Variants in GRM8 observed in about 807,000 individuals in gnomAD.
The protein encoded by GRM8 is metabotropic glutamate receptor 8.
A neutral mutation model predicts 87.2 loss-of-function variants in GRM8; 47 were observed. The ratio of observed to expected loss-of-function variants is 0.54; its 90% CI spans 0.43 to 0.69. The LOEUF (loss-of-function observed/expected upper bound fraction) is 0.69, where lower values mean the gene tolerates loss of function less well. Among genes scored for constraint, GRM8 ranks in the 30% least tolerant of loss-of-function variants. GRM8 has a pLI of 0.00. For missense variants in GRM8, 1,019 were observed against 1,139.2 expected, an observed-to-expected ratio of 0.89 and a Z score of 1.52; for synonymous variants, 396 against 404.5, an observed-to-expected ratio of 0.98 and a Z score of 0.25.
intron 3 of GRM8, among the ~76,000 whole-genome samples, chr7:127,078,080 CT>C (rs1822479827): frequency 6.6e-6 from 1 of 152,218 alleles, no homozygotes; most frequent in African/African-American, 2.4e-5. Flanking sequence ...TCTATAGTGA[CT>C]TGGCTATAGC....
chr7:127,181,064 G>C (rs893209624), intron 2 of GRM8, among the ~76,000 whole-genome samples: 3 of 151,994 alleles, frequency 2.0e-5, no homozygotes, highest in African/African-American at 7.2e-5. Flanking sequence ...GTCACTGTTT[G>C]CTGATGATAT....
chr7:126,953,777 T>C (rs1336734795), intron 3 of GRM8, among the ~76,000 whole-genome samples: 2 of 152,098 alleles, frequency 1.3e-5, no homozygotes, highest in African/African-American at 4.8e-5. Flanking sequence ...TTAATACCTC[T>C]CTCTTCTTTG....
Position 126,919,928 on chromosome 7 carries a change from T to C in GRM8, c.728-15245A>G, listed in dbSNP as rs1283505513. The stretch of plus-strand genomic sequence containing the variant: ...GCATGGCCTGGCCTCTTGCTGAGCA[T>C]GGAAAATAGAACACATTCATTTACC... On this transcript the variant is annotated intron_variant, in intron 3 of 10. Transcript: ENST00000339582. Among the ~76,000 whole-genome samples the C allele has an allele frequency of 2.6e-5, 4 of 152,290 alleles. No homozygotes were observed. The East Asian group carries it at 7.7e-4, about 29-fold the overall frequency.
intron 3 of GRM8, among the ~76,000 whole-genome samples, chr7:126,956,472 C>T (rs896322646): frequency 6.6e-6 from 1 of 152,176 alleles, no homozygotes; most frequent in Admixed American, 6.5e-5. Flanking sequence ...TTTCAATTTG[C>T]TCTTTTTCAA....
intron 9 of GRM8, among the ~76,000 whole-genome samples, chr7:126,496,205 A>T (rs1367913432): frequency 6.6e-6 from 1 of 151,864 alleles, no homozygotes; most frequent in Non-Finnish European, 1.5e-5. Flanking sequence ...GGACAGAGAG[A>T]AAGGGAGGAA....
intron 7 of GRM8, among the ~76,000 whole-genome samples, chr7:126,735,574 A>T (rs543914990): frequency 6.6e-6 from 1 of 152,114 alleles, no homozygotes; most frequent in Non-Finnish European, 1.5e-5. Flanking sequence ...TTTCCATGAA[A>T]ATAATTGAAC....
chr7:126,829,340 T>A (rs1278354680), intron 6 of GRM8, among the ~76,000 whole-genome samples: 42 of 135,788 alleles, frequency 3.1e-4, no homozygotes, highest in Admixed American at 5.3e-4. Context: ...GGAGTCTAAG[T>A]CTCTTTGTAG....
chr7:126,567,830 C>T (rs1262917994), intron 8 of GRM8, among the ~76,000 whole-genome samples: 3 of 152,068 alleles, frequency 2.0e-5, no homozygotes, highest in African/African-American at 7.2e-5. Flanking sequence ...CCACCATCAT[C>T]CTTGCCCATG....
At chr7:126,704,872 T>C (rs987086916) in intron 7 of GRM8, among the ~76,000 whole-genome samples, 2 of 152,206 alleles carry the variant, frequency 1.3e-5, no homozygotes, top group African/African-American at 4.8e-5. Context: ...CGTCCTGTCC[T>C]GTGGTCCTGT....
chr7:127,013,875 T>C (rs1231312745), intron 3 of GRM8, among the ~76,000 whole-genome samples: 1 of 152,132 alleles, frequency 6.6e-6, no homozygotes, highest in Non-Finnish European at 1.5e-5. Context: ...GAAGCAAGAA[T>C]CACTTGCTTA....
chr7:127,106,648 A>G lies in GRM8; in HGVS notation c.575T>C (p.Phe192Ser). The part of the protein sequence containing the change: ...ELSDNTRYDF[F>S]SRVVPPDSYQ... ...GGAGTCAGGCGGAACCACTCGAGAGAAAAAGTCATACCTGGTGTTATCACT... is the reference window on the plus strand; with the variant it reads ...GGAGTCAGGCGGAACCACTCGAGAGGAAAAGTCATACCTGGTGTTATCACT... The change falls in exon 3 of 11, where the codon TTC becomes TCC. Residue 192 changes from phenylalanine (F) to serine (S), a missense_variant. Physicochemically the swap from Phe to Ser is radical, Grantham distance 155 (BLOSUM62 -2). Transcript: ENST00000339582. 1 of 1,613,926 alleles carries G rather than the reference A, an allele frequency of 6.2e-7. No homozygotes were observed. The highest frequency in any genetic ancestry group is 8.5e-7 in the Non-Finnish European group (1 of 1,179,818).
chr7:126,454,724 A>C (rs932039200), intron 9 of GRM8, among the ~76,000 whole-genome samples: 4 of 151,634 alleles, frequency 2.6e-5, no homozygotes, highest in Non-Finnish European at 5.9e-5. Flanking sequence ...TGGGCTTATA[A>C]GGAGAAGAAA....
chr7:127,072,380 T>C (rs1821787357), intron 3 of GRM8, among the ~76,000 whole-genome samples: 2 of 152,204 alleles, frequency 1.3e-5, no homozygotes. Context: ...CTAACATATT[T>C]CCTAAAAGTT....
chr7:126,967,278 G>A (rs1052518486), intron 3 of GRM8, among the ~76,000 whole-genome samples: 6 of 152,148 alleles, frequency 3.9e-5, no homozygotes, highest in African/African-American at 1.4e-4. Context: ...TTATAAACTT[G>A]ACTTAAACAA....
intron 9 of GRM8, among the ~76,000 whole-genome samples, chr7:126,480,345 C>T (rs1806521114): frequency 6.6e-6 from 1 of 152,052 alleles, no homozygotes; most frequent in African/African-American, 2.4e-5. Flanking sequence ...AATTGTGCCA[C>T]TGCACTCCAG....
intron 2 of GRM8, among the ~76,000 whole-genome samples, chr7:127,193,517 T>A (rs574740401): frequency 1.3e-5 from 2 of 152,352 alleles, no homozygotes; most frequent in South Asian, 4.1e-4. Flanking sequence ...TAAGCAAATG[T>A]GAGGTCGGTT....
chr7:126,990,568 A>T (rs568333279), intron 3 of GRM8, among the ~76,000 whole-genome samples: 1 of 152,324 alleles, frequency 6.6e-6, no homozygotes, highest in East Asian at 1.9e-4. Context: ...GGAATAAAAG[A>T]TTGTTGACGT....
chr7:126,652,231 G>C (rs568236388), intron 7 of GRM8, among the ~76,000 whole-genome samples: 2 of 152,268 alleles, frequency 1.3e-5, no homozygotes, highest in African/African-American at 4.8e-5. Context: ...TTTGGGTTGG[G>C]GATTGGTGCA....
chr7:126,950,059 T>C (rs950832021), intron 3 of GRM8, among the ~76,000 whole-genome samples: 1 of 152,308 alleles, frequency 6.6e-6, no homozygotes, highest in Admixed American at 6.5e-5. Flanking sequence ...ATGGCTCGAT[T>C]CCTTGAATTA....
Sources: allele counts gnomAD v4.1 joint callset (sites outside exome capture counted in the v4.1 genomes callset), GRCh38; gene constraint gnomAD v4.1.1; transcripts MANE v1.5; gene names NCBI Gene and HGNC (gene_info 2026-07-23, HGNC 2026-07-21).